The following PTPRD variants were observed in gnomAD, a reference collection of about 807,000 sequenced individuals.
PTPRD encodes the protein receptor-type tyrosine-protein phosphatase delta.
PTPRD carries 34 observed loss-of-function variants against 214.5 expected under a neutral mutation model. The ratio of observed to expected loss-of-function variants is 0.16; its 90% confidence interval spans 0.12 to 0.21. The LOEUF (loss-of-function observed/expected upper bound fraction) is 0.21. Ranked by LOEUF, PTPRD falls within the 10% of genes least tolerant of loss-of-function variation. PTPRD has a pLI of 1.00. For missense variants in PTPRD, 2,545 were observed against 2,398.7 expected, an observed-to-expected ratio of 1.06 and a Z score of -1.27; for synonymous variants, 1,128 against 845.7, an observed-to-expected ratio of 1.33 and a Z score of -5.79.
intron 11 of PTPRD, among the ~76,000 whole-genome samples, chr9:8,832,415 T>A (rs1474236358): frequency 2.0e-5 from 3 of 149,174 alleles, no homozygotes; most frequent in Non-Finnish European, 4.5e-5. Context: ...ATCATCTTTT[T>A]TTTTTTTTTT....
At chr9:9,672,140 CAAG>C (rs1219168614) in intron 7 of PTPRD, among the ~76,000 whole-genome samples, 1 of 152,002 alleles carries the variant, frequency 6.6e-6, no homozygotes, top group African/African-American at 2.4e-5. Flanking sequence ...CAGCATAAAG[CAAG>C]AAGAATATTA....
chr9:10,234,261 A>T (rs2099621891), intron 3 of PTPRD, among the ~76,000 whole-genome samples: 1 of 151,860 alleles, frequency 6.6e-6, no homozygotes, highest in South Asian at 2.1e-4. Context: ...GATCCCCTTC[A>T]ATCTTAAAAT....
rs570130168 is a variant in PTPRD at position 8,465,634 on chromosome 9, A to G, written c.3546T>C (p.Tyr1182=). The change falls in exon 32 of 46, where the codon TAT becomes TAC. Residue 1182 remains tyrosine, a synonymous_variant. Transcript: ENST00000381196. ...EISRKRRSIR[Y]GREVELKPYI... is the part of the protein sequence containing the mutation. ...ATGGCTTTAATTCAACTTCTCTCCC[A>G]TAACGGATGCTTCTGCGCTTCCTAG... 118 of 1,612,300 alleles carry G rather than the reference A, an allele frequency of 7.3e-5. No individual in the cohort carries two copies. In the Middle Eastern group the frequency reaches 9.9e-4, roughly 14 times the overall value.
chr9:9,860,789 G>T (rs1237898988), intron 5 of PTPRD, among the ~76,000 whole-genome samples: 1 of 152,124 alleles, frequency 6.6e-6, no homozygotes, highest in Non-Finnish European at 1.5e-5. Context: ...GTGTCTAGTG[G>T]TATCCCTTGG....
chr9:9,560,089 G>A (rs555431171), intron 8 of PTPRD, among the ~76,000 whole-genome samples: 10 of 152,286 alleles, frequency 6.6e-5, no homozygotes, highest in Admixed American at 3.3e-4. Flanking sequence ...ACCACAGCAG[G>A]TACTCTTTGA....
intron 4 of PTPRD, among the ~76,000 whole-genome samples, chr9:10,030,090 A>T (rs1302361174): frequency 6.6e-6 from 1 of 152,148 alleles, no homozygotes; most frequent in Non-Finnish European, 1.5e-5. Flanking sequence ...ACCTTCCGCC[A>T]TGATTGTGAG....
At chr9:10,406,715 G>A (rs902156268) in intron 2 of PTPRD, among the ~76,000 whole-genome samples, 3 of 151,558 alleles carry the variant, frequency 2.0e-5, no homozygotes, top group Non-Finnish European at 4.4e-5. Context: ...TCTAAAGGTG[G>A]TTTCAATTTA....
intron 3 of PTPRD, among the ~76,000 whole-genome samples, chr9:10,089,995 A>G (rs1332197257): frequency 1.3e-5 from 2 of 151,646 alleles, no homozygotes; most frequent in Non-Finnish European, 3.0e-5. Flanking sequence ...AAGGCAAGAT[A>G]TTCCAACACA....
chr9:10,233,886 C>T (rs1462446847), intron 3 of PTPRD, among the ~76,000 whole-genome samples: 1 of 151,830 alleles, frequency 6.6e-6, no homozygotes, highest in Non-Finnish European at 1.5e-5. Flanking sequence ...AGGGGCAAAT[C>T]AAAAGTTTTA....
intron 12 of PTPRD, among the ~76,000 whole-genome samples, chr9:8,684,677 A>T (rs2097641781): frequency 6.6e-6 from 1 of 152,222 alleles, no homozygotes; most frequent in East Asian, 1.9e-4. Context: ...TGAGGGAGCT[A>T]TGTTAAGATT....
At chr9:9,222,706 A>T (rs2099956934) in intron 9 of PTPRD, among the ~76,000 whole-genome samples, 1 of 152,074 alleles carries the variant, frequency 6.6e-6, no homozygotes, top group African/African-American at 2.4e-5. Flanking sequence ...CAGTCTTCAA[A>T]CTATTAGCAT....
chr9:10,607,685 T>C (rs948940884), intron 2 of PTPRD, among the ~76,000 whole-genome samples: 1 of 151,848 alleles, frequency 6.6e-6, no homozygotes, highest in African/African-American at 2.4e-5. Context: ...TTGATTTTCC[T>C]AGAAGAAAAA....
chr9:9,059,955 G>A (rs2099704057), intron 10 of PTPRD, among the ~76,000 whole-genome samples: 1 of 152,104 alleles, frequency 6.6e-6, no homozygotes, highest in African/African-American at 2.4e-5. Flanking sequence ...ATTCAATATT[G>A]TAATGATGTA....
chr9:8,535,791 A>C (rs1427695227), intron 14 of PTPRD, among the ~76,000 whole-genome samples: 1 of 151,972 alleles, frequency 6.6e-6, no homozygotes, highest in Non-Finnish European at 1.5e-5. Flanking sequence ...TAAATCAAGA[A>C]ACACCTCTGT....
intron 10 of PTPRD, among the ~76,000 whole-genome samples, chr9:9,066,025 G>A (rs975056970): frequency 6.6e-6 from 1 of 152,074 alleles, no homozygotes; most frequent in Admixed American, 6.5e-5. Context: ...TTATACATGT[G>A]ATTGTCATCT....
chr9:8,591,952 A>C (rs371544252), intron 14 of PTPRD, among the ~76,000 whole-genome samples: 1 of 152,150 alleles, frequency 6.6e-6, no homozygotes, highest in African/African-American at 2.4e-5. Context: ...ACAGAGAAAA[A>C]ATAAATTTGG....
At chr9:9,910,464 T>C (rs971256035) in intron 5 of PTPRD, among the ~76,000 whole-genome samples, 2 of 152,024 alleles carry the variant, frequency 1.3e-5, no homozygotes, top group Non-Finnish European at 2.9e-5. Flanking sequence ...GAAAGAAATG[T>C]ATTCTTGAAG....
chr9:8,901,331 C>T (rs573420807), intron 11 of PTPRD, among the ~76,000 whole-genome samples: 1 of 152,294 alleles, frequency 6.6e-6, no homozygotes, highest in South Asian at 2.1e-4. Context: ...AAGCCAATGG[C>T]AAAATTCCCT....
chr9:9,423,732 A>G (rs1419858928), intron 8 of PTPRD, among the ~76,000 whole-genome samples: 2 of 152,218 alleles, frequency 1.3e-5, no homozygotes, highest in East Asian at 3.8e-4. Flanking sequence ...TGCAGTAACT[A>G]TAATTAAGAA....
Sources: gnomAD v4.1 joint callset for allele counts (sites outside exome capture counted in the v4.1 genomes callset) on GRCh38, gnomAD v4.1.1 for gene constraint, MANE v1.5 for transcripts, NCBI Gene and HGNC (gene_info 2026-07-23, HGNC 2026-07-21) for gene names.